The following CMPK1 variants were observed in gnomAD, a reference collection of about 807,000 sequenced individuals.
CMPK1 encodes cytidine/uridine monophosphate kinase 1.
Under a neutral mutation model 25.7 loss-of-function variants are expected in CMPK1, and 10 were observed. That is an observed-to-expected ratio of 0.39 (90% CI 0.24 to 0.66). The LOEUF is 0.66. Ranked by LOEUF, CMPK1 falls within the 30% of genes least tolerant of loss-of-function variation. The pLI is 0.48. For synonymous variants in CMPK1, 106 were observed against 101.5 expected (o/e 1.04, Z -0.27); for missense variants, 199 against 280.5 (o/e 0.71, Z 2.08).
chr1:47,367,743 G>A (rs570128006), intron 1 of CMPK1, among the ~76,000 whole-genome samples: 9 of 152,060 alleles, frequency 5.9e-5, no homozygotes, highest in African/African-American at 2.2e-4. Context: ...AAGTTTATGT[G>A]GAAGAAGAAG....
intron 3 of CMPK1, among the ~76,000 whole-genome samples, chr1:47,374,027 C>T (rs979770599): frequency 6.6e-6 from 1 of 152,044 alleles, no homozygotes; most frequent in Non-Finnish European, 1.5e-5. Context: ...AAATGTGCCC[C>T]TGGTGGAGAA....
intron 2 of CMPK1, among the ~76,000 whole-genome samples, chr1:47,371,986 C>T (rs1646680201): frequency 6.6e-6 from 1 of 152,186 alleles, no homozygotes; most frequent in South Asian, 2.1e-4. Flanking sequence ...CTCTTCCTCA[C>T]TTTCCCAAAT....
Position 47,353,342 on chromosome 1 carries a change from G to A in CMPK1, c.172-15127G>A, listed in dbSNP as rs180978456. 3.9e-5 allele frequency among the ~76,000 whole-genome samples: 6 copies of A among 152,264 alleles called. No individual in the cohort carries two copies. The East Asian group carries it at 1.2e-3, about 29-fold the overall frequency. On this transcript the variant is annotated intron_variant, in intron 1 of 5. Coordinates refer to ENST00000371873, the MANE Select transcript of CMPK1 (RefSeq NM_016308.3). Reference sequence around the variant, plus strand: ...TGTTTCTAGGCTATAAAACTGGACTGTTTTCTGTCCCCTGTAACTCTTCAT... The same window carrying A: ...TGTTTCTAGGCTATAAAACTGGACTATTTTCTGTCCCCTGTAACTCTTCAT...
intron 1 of CMPK1, among the ~76,000 whole-genome samples, chr1:47,362,582 A>G (rs1481194500): frequency 1.3e-5 from 2 of 152,198 alleles, no homozygotes; most frequent in Admixed American, 6.5e-5. Context: ...CCTCCTGAGT[A>G]GCTGGGATTA....
intron 1 of CMPK1, among the ~76,000 whole-genome samples, chr1:47,344,823 T>C (rs558838425): frequency 2.3e-4 from 34 of 150,720 alleles, no homozygotes; most frequent in African/African-American, 7.8e-4. Flanking sequence ...TCAAAATTGT[T>C]TATCTTTTAG....
intron 1 of CMPK1, among the ~76,000 whole-genome samples, chr1:47,343,991 AAG>A (rs1192265645): frequency 2.6e-5 from 4 of 152,018 alleles, no homozygotes; most frequent in Admixed American, 6.6e-5. Context: ...TCACCTGAGA[AAG>A]AGAATTCAAG....
intron 1 of CMPK1, among the ~76,000 whole-genome samples, chr1:47,366,860 G>C (rs549766358): frequency 6.6e-6 from 1 of 152,210 alleles, no homozygotes; most frequent in South Asian, 2.1e-4. Context: ...GAGTAGCTGG[G>C]ATTACAGGCA....
intron 1 of CMPK1, among the ~76,000 whole-genome samples, chr1:47,362,848 A>G (rs1252940308): frequency 1.3e-5 from 2 of 152,204 alleles, no homozygotes; most frequent in African/African-American, 2.4e-5. Context: ...TTTAAGTCAG[A>G]TATTATACTC....
chr1:47,351,760 G>T (rs113889046), intron 1 of CMPK1, among the ~76,000 whole-genome samples: 1 of 151,544 alleles, frequency 6.6e-6, no homozygotes, highest in Non-Finnish European at 1.5e-5. Context: ...TTTTGTTTTT[G>T]TTGTTGTTTT....
intron 1 of CMPK1, among the ~76,000 whole-genome samples, chr1:47,336,812 C>T (rs948195581): frequency 1.3e-5 from 2 of 152,208 alleles, no homozygotes; most frequent in African/African-American, 2.4e-5. Flanking sequence ...AGGCATGAGC[C>T]GCCATGCCTG....
intron 1 of CMPK1, among the ~76,000 whole-genome samples, chr1:47,347,676 A>G (rs1443035889): frequency 6.6e-6 from 1 of 152,094 alleles, no homozygotes. Context: ...TCCAGGCTGG[A>G]GTGCAGTGGT....
At chr1:47,345,868 G>T (rs760874622) in intron 1 of CMPK1, among the ~76,000 whole-genome samples, 4 of 151,650 alleles carry the variant, frequency 2.6e-5, no homozygotes, top group Non-Finnish European at 5.9e-5. Flanking sequence ...CAATTCTCCT[G>T]CCTCAGCCTC....
chr1:47,357,027 G>A (rs1013643981), intron 1 of CMPK1, among the ~76,000 whole-genome samples: 2 of 142,382 alleles, frequency 1.4e-5, no homozygotes, highest in African/African-American at 2.6e-5. Context: ...GCAGTGGCAC[G>A]ATCTCGGCTC....
intron 1 of CMPK1, among the ~76,000 whole-genome samples, chr1:47,343,886 C>CAA (rs764742980): frequency 8.3e-5 from 9 of 107,898 alleles, no homozygotes; most frequent in Non-Finnish European, 1.8e-4. Context: ...GACTCCGTCT[C>CAA]AAAAAAAAAA....
chr1:47,355,855 T>G (rs1646557453), intron 1 of CMPK1, among the ~76,000 whole-genome samples: 1 of 152,156 alleles, frequency 6.6e-6, no homozygotes, highest in Non-Finnish European at 1.5e-5. Flanking sequence ...TTAGCCCACC[T>G]CAGCCTCCCA....
At chr1:47,374,634 T>A (rs1570384416) in intron 3 of CMPK1, among the ~76,000 whole-genome samples, 1 of 152,144 alleles carries the variant, frequency 6.6e-6, no homozygotes, top group Admixed American at 6.5e-5. Context: ...ATCATACACA[T>A]ACAGATCTTT....
chr1:47,335,521 C>T (rs1468962823), intron 1 of CMPK1, among the ~76,000 whole-genome samples: 1 of 151,342 alleles, frequency 6.6e-6, no homozygotes, highest in Non-Finnish European at 1.5e-5. Flanking sequence ...CCTGTAATCC[C>T]AGCTACTCCG....
Position 47,376,704 on chromosome 1 carries a change from GT to G in CMPK1, c.651del (p.Phe217LeufsTer41). Reference protein sequence around the residue: ...KIDASKSVDEVFDEVVQIFDK... With the variant: ...KIDASKSVDEXFDEVVQIFDK... ...TTATTATCATCTTTTTCCTTTACAG[GT>G]TTTTGATGAAGTTGTGCAGATTTTT... is the stretch of plus-strand genomic sequence containing the variant. On this transcript the variant is annotated frameshift_variant and splice_region_variant, in exon 6 of 6. Transcript: ENST00000371873. LOFTEE classifies it high-confidence loss of function. 2 of 1,570,946 alleles carry G rather than the reference GT, an allele frequency of 1.3e-6. No individual in the cohort carries two copies. The highest frequency in any genetic ancestry group is 1.7e-6 in the Non-Finnish European group (2 of 1,143,580).
At chr1:47,358,761 C>G (rs945632752) in intron 1 of CMPK1, 1 of 983,916 alleles carries the variant, frequency 1.0e-6, no homozygotes, top group Non-Finnish European at 1.2e-6. Flanking sequence ...GATAATTTTG[C>G]AAATGCTCAA....
Sources: allele counts gnomAD v4.1 joint callset (sites outside exome capture counted in the v4.1 genomes callset), GRCh38; gene constraint gnomAD v4.1.1; transcripts MANE v1.5; gene names NCBI Gene and HGNC (gene_info 2026-07-23, HGNC 2026-07-21).